SELENOT: variants seen among roughly 807,000 people sequenced by gnomAD.
SELENOT encodes thioredoxin reductase-like selenoprotein T.
Under a neutral mutation model 24.3 loss-of-function variants are expected in SELENOT, and 9 were observed. That is an observed-to-expected ratio of 0.37 (90% CI 0.22 to 0.65). SELENOT has a LOEUF of 0.65. Among genes scored for constraint, SELENOT ranks in the 30% least tolerant of loss-of-function variants. The probability of loss-of-function intolerance (pLI) is 0.60; values close to 1 mark genes in which losing one functional copy is unlikely to be tolerated. For synonymous variants in SELENOT, 81 were observed against 86.0 expected (o/e 0.94, Z 0.32); for missense variants, 166 against 247.6 (o/e 0.67, Z 2.21).
At chr3:150,615,328 G>A (rs1328636016) in intron 1 of SELENOT, among the ~76,000 whole-genome samples, 5 of 151,316 alleles carry the variant, frequency 3.3e-5, no homozygotes, top group African/African-American at 4.9e-5. Context: ...ATAAACATAC[G>A]TGTGCATGTG....
rs568386733 is a variant in SELENOT, at chr3:150,604,964, G to A, written c.137+1465G>A. Among the ~76,000 whole-genome samples the A allele has an allele frequency of 4.0e-5, 6 of 149,616 alleles. No individual in the cohort carries two copies. The South Asian group carries it at 8.5e-4, about 21-fold the overall frequency. On this transcript the variant is annotated intron_variant, in intron 1 of 5. Transcript: ENST00000471696. Reference sequence around the variant, plus strand: ...AGGCAGGAGAATCGCTTGAACCCGGGAAGCGGAGGTTGCGGTGAGCCGAGA... The same window carrying A: ...AGGCAGGAGAATCGCTTGAACCCGGAAAGCGGAGGTTGCGGTGAGCCGAGA...
chr3:150,613,288 C>T (rs747488484), intron 1 of SELENOT, among the ~76,000 whole-genome samples: 2 of 152,186 alleles, frequency 1.3e-5, no homozygotes, highest in Non-Finnish European at 2.9e-5. Flanking sequence ...CCTCACCTCC[C>T]ATTAGACCCT....
At position 150,616,353 on chromosome 3, in the gene SELENOT, A is replaced by G. The variant is rs376436559; in HGVS notation, c.138-6032A>G. ...ACAAAAGCCAAAATTGACAAATGGGATCTAATTAAACTAAAGAGCTTCTGC... is the reference window on the plus strand; with the variant it reads ...ACAAAAGCCAAAATTGACAAATGGGGTCTAATTAAACTAAAGAGCTTCTGC... On this transcript the variant is annotated intron_variant, in intron 1 of 5. Coordinates refer to ENST00000471696, the MANE Select transcript of SELENOT (RefSeq NM_016275.5). Among the ~76,000 whole-genome samples the G allele has an allele frequency of 2.9e-3, 416 of 142,642 alleles. 2 individuals carry two copies. Among genetic ancestry groups the G allele is most frequent in the Middle Eastern group, 0.018 (5 of 280 alleles). 93.6% of individuals were successfully genotyped at this position (142,642 alleles called of 152,430 possible).
At chr3:150,607,517 C>G (rs569888899) in intron 1 of SELENOT, among the ~76,000 whole-genome samples, 1 of 152,172 alleles carries the variant, frequency 6.6e-6, no homozygotes, top group African/African-American at 2.4e-5. Context: ...TCAGTGCTCT[C>G]GTGGACTTCA....
At chr3:150,607,866 G>A (rs921373128) in intron 1 of SELENOT, among the ~76,000 whole-genome samples, 3 of 152,176 alleles carry the variant, frequency 2.0e-5, no homozygotes, top group African/African-American at 2.4e-5. Flanking sequence ...AACAAAGACC[G>A]TTTGGTTTTC....
Position 150,609,263 on chromosome 3 carries a change from A to G in SELENOT, c.137+5764A>G, listed in dbSNP as rs999909873. ...CCTCCGTGCCTCTACAGGTGGGACT[A>G]TAAACTTCCAGAATTCTCTGTGCTA... is the stretch of plus-strand genomic sequence containing the variant. On this transcript the variant is annotated intron_variant, in intron 1 of 5. Coordinates refer to ENST00000471696, the MANE Select transcript of SELENOT (RefSeq NM_016275.5). Among the ~76,000 whole-genome samples, 11 of 152,320 alleles carry G rather than the reference A, an allele frequency of 7.2e-5. No homozygotes were observed. In the South Asian group the frequency reaches 1.9e-3, roughly 26 times the overall value.
intron 1 of SELENOT, among the ~76,000 whole-genome samples, chr3:150,618,227 T>G (rs1216088483): frequency 6.6e-6 from 1 of 152,190 alleles, no homozygotes; most frequent in Non-Finnish European, 1.5e-5. Context: ...AGGTTTGTAT[T>G]TCTGGAACAT....
intron 1 of SELENOT, 124 bp from the exon 2 acceptor site, chr3:150,622,261 T>C (rs1451929528): frequency 9.4e-6 from 4 of 424,480 alleles, no homozygotes; most frequent in Non-Finnish European, 1.7e-5. Flanking sequence ...GGTTCAATTA[T>C]TATGAATTTG....
intron 1 of SELENOT, chr3:150,611,800 T>G: frequency 9.6e-7 from 1 of 1,036,622 alleles, no homozygotes; most frequent in Non-Finnish European, 1.4e-6. Flanking sequence ...CAGCCCCGAT[T>G]TCCCGGACGA....
intron 1 of SELENOT, among the ~76,000 whole-genome samples, chr3:150,604,436 A>C (rs865821189): frequency 6.6e-6 from 1 of 152,154 alleles, no homozygotes; most frequent in East Asian, 1.9e-4. Context: ...CAAAGATGAC[A>C]TTTTCTCAGG....
chr3:150,617,108 C>G (rs1325160021), intron 1 of SELENOT, among the ~76,000 whole-genome samples: 3 of 152,186 alleles, frequency 2.0e-5, no homozygotes, highest in Admixed American at 6.5e-5. Context: ...ATAGAAAAAG[C>G]AAATAACAGC....
At position 150,603,341 on chromosome 3, in the gene SELENOT, C is replaced by G. The variant is rs1479948191; in HGVS notation, c.-22C>G. The G allele has an allele frequency of 1.2e-6, 2 of 1,605,218 alleles. No individual in the cohort carries two copies. The highest frequency in any genetic ancestry group is 2.2e-5 in the East Asian group (1 of 44,666). On this transcript the variant is annotated 5_prime_UTR_variant, in exon 1 of 6. Transcript: ENST00000471696. ...TGGCTGCAGTCTGTCTGAGGGCGGC[C>G]GAAGTGGCTGGCTCATTTAAGATGA...
intron 1 of SELENOT, among the ~76,000 whole-genome samples, chr3:150,618,263 G>T (rs60875274): frequency 0.015 from 2,261 of 152,300 alleles, 63 homozygotes; most frequent in African/African-American, 0.051. Context: ...ATTAGGCCTC[G>T]TTGTGTAAAT....
chr3:150,608,554 G>C (rs1358732275), intron 1 of SELENOT, among the ~76,000 whole-genome samples: 1 of 151,970 alleles, frequency 6.6e-6, no homozygotes, highest in Non-Finnish European at 1.5e-5. Context: ...GATTGCTTGC[G>C]GCCAGGAGTT....
intron 1 of SELENOT, among the ~76,000 whole-genome samples, chr3:150,609,615 G>A (rs370592344): frequency 6.6e-6 from 1 of 152,128 alleles, no homozygotes; most frequent in Non-Finnish European, 1.5e-5. Flanking sequence ...CCAAAGTGTC[G>A]AGATTACAGG....
At chr3:150,614,076 G>C (rs1281072177) in intron 1 of SELENOT, among the ~76,000 whole-genome samples, 1 of 152,090 alleles carries the variant, frequency 6.6e-6, no homozygotes, top group Non-Finnish European at 1.5e-5. Context: ...GTTTTGAGTA[G>C]TGGCACCACA....
In SELENOT at chr3:150,622,445, C is replaced by T. The variant is rs1194911588; in HGVS notation, c.198C>T (p.Tyr66=). 1.3e-6 allele frequency: 2 copies of T among 1,502,162 alleles called. No homozygotes were observed. The highest frequency in any genetic ancestry group is 2.2e-4 in the Middle Eastern group (1 of 4,638). 93.1% of individuals were successfully genotyped at this position (1,502,162 alleles called of 1,614,324 possible). A position where few individuals can be genotyped will look rare whatever the true frequency, so the allele number is the denominator to read the frequency against. ...EEYMRVISQR[Y]PDIRIEGENY... ...ACATGCGGGTTATTAGCCAGCGGTA[C>T]CCAGACATCCGCATTGAAGGAGAGA... is the stretch of plus-strand genomic sequence containing the variant. The change falls in exon 2 of 6, where the codon TAC becomes TAT. Residue 66 remains tyrosine, a synonymous_variant. Transcript: ENST00000471696.
chr3:150,608,455 G>GT (rs1380210704), intron 1 of SELENOT, among the ~76,000 whole-genome samples: 5 of 151,914 alleles, frequency 3.3e-5, no homozygotes, highest in Admixed American at 6.5e-5. Context: ...GTTTGTTATT[G>GT]TTTTTTTAAT....
intron 1 of SELENOT, among the ~76,000 whole-genome samples, chr3:150,609,496 C>T (rs76252482): frequency 0.12 from 17,526 of 152,068 alleles, 1,312 homozygotes; most frequent in Non-Finnish European, 0.17. Context: ...ATTACAGGCG[C>T]GCACTACATG....
Sources: gnomAD v4.1 joint callset for allele counts (sites outside exome capture counted in the v4.1 genomes callset) on GRCh38, gnomAD v4.1.1 for gene constraint, MANE v1.5 for transcripts, NCBI Gene and HGNC (gene_info 2026-07-23, HGNC 2026-07-21) for gene names.